The following NRP2 variants were observed in gnomAD, a reference collection of about 807,000 sequenced individuals.
NRP2 encodes neuropilin 2.
A neutral mutation model predicts 110.4 loss-of-function variants in NRP2; 52 were observed. That is an observed-to-expected ratio of 0.47 (90% CI 0.38 to 0.59). The LOEUF is 0.59. NRP2 is among the 20% of genes least tolerant of loss of function. The pLI, the probability that NRP2 is intolerant of heterozygous loss-of-function variation, is 0.00. For synonymous variants in NRP2, 508 were observed against 468.9 expected (o/e 1.08, Z -1.08); for missense variants, 1,049 against 1,203.0 (o/e 0.87, Z 1.89).
At chr2:205,716,435 C>A in intron 3 of NRP2, 61 bp downstream of exon 3, 1 of 1,577,224 alleles carries the variant, frequency 6.3e-7, no homozygotes, top group Non-Finnish European at 8.7e-7. Flanking sequence ...GGAGGGACAG[C>A]ACCCAGTGGG....
chr2:205,738,195 AATTATGC>A (rs1272418863), intron 7 of NRP2, among the ~76,000 whole-genome samples: 1 of 152,170 alleles, frequency 6.6e-6, no homozygotes, highest in Non-Finnish European at 1.5e-5. Flanking sequence ...TCAACTTTCC[AATTATGC>A]ATTCACGTGA....
chr2:205,750,779 A>C (rs1000202773), intron 11 of NRP2, among the ~76,000 whole-genome samples: 1 of 152,364 alleles, frequency 6.6e-6, no homozygotes, highest in South Asian at 2.1e-4. Flanking sequence ...TGATGGAGAC[A>C]TAAAGATATA....
chr2:205,782,088 G>T (rs1178421801), intron 15 of NRP2, among the ~76,000 whole-genome samples: 1 of 152,116 alleles, frequency 6.6e-6, no homozygotes, highest in Non-Finnish European at 1.5e-5. Context: ...GCATGGTATG[G>T]AACAGTGGAG....
chr2:205,764,948 T>G (rs1319996147), intron 13 of NRP2, among the ~76,000 whole-genome samples: 25 of 152,194 alleles, frequency 1.6e-4, no homozygotes, highest in African/African-American at 6.0e-4. Context: ...AGGTGCTCAG[T>G]AAATGGCTGG....
chr2:205,707,536 C>T (rs1159172246), intron 2 of NRP2, among the ~76,000 whole-genome samples: 1 of 152,224 alleles, frequency 6.6e-6, no homozygotes, highest in Non-Finnish European at 1.5e-5. Context: ...CTGTCCCCTA[C>T]TTGGATTTCT....
At chr2:205,750,090 A>G (rs2057616785) in intron 11 of NRP2, among the ~76,000 whole-genome samples, 1 of 152,232 alleles carries the variant, frequency 6.6e-6, no homozygotes, top group Non-Finnish European at 1.5e-5. Flanking sequence ...AGGTGAGACA[A>G]GGATGACTCC....
At position 205,763,847 on chromosome 2, in the gene NRP2, A is replaced by G. The variant is rs367890084; in HGVS notation, c.2218A>G (p.Ser740Gly). ...LQVVREASQE[S>G]KLLWVIREDQ... ...GGTGGTGCGGGAAGCCAGCCAGGAGAGCAAGTTGCTGTGGGTCATCCGTGA... is the reference window on the plus strand; with the variant it reads ...GGTGGTGCGGGAAGCCAGCCAGGAGGGCAAGTTGCTGTGGGTCATCCGTGA... Residue 740 changes from serine to glycine, a missense_variant, in exon 13 of 17, where the codon AGC becomes GGC. Transcript: ENST00000357785. This position sits in a 1 kb window ranked among gnomAD's most constrained non-coding sequence, Gnocchi z 4.0. 2 of 1,613,940 alleles carry G rather than the reference A, an allele frequency of 1.2e-6. No homozygotes were observed.
chr2:205,755,705 G>A (rs2057723023), intron 12 of NRP2, among the ~76,000 whole-genome samples: 1 of 152,148 alleles, frequency 6.6e-6, no homozygotes, highest in Admixed American at 6.5e-5. Context: ...TGGGTTCAGA[G>A]CGGCTGGCGC....
rs951384209 is a variant in NRP2, at chr2:205,743,145, G to A, written c.1292-58G>A. 1.9e-6 allele frequency: 3 copies of A among 1,601,220 alleles called. No individual in the cohort carries two copies. In the East Asian group the frequency reaches 6.7e-5, roughly 36 times the overall value. On this transcript the variant is annotated intron_variant, in intron 8 of 16. Transcript: ENST00000357785. ...TTGCAGCTCCCTTCTTATAGCGGGT[G>A]GTCCCTGGTTAGCAGGTGTCAGCCA... is the stretch of plus-strand genomic sequence containing the variant.
At chr2:205,793,573 G>A (rs2058324336) in intron 16 of NRP2, among the ~76,000 whole-genome samples, 1 of 152,164 alleles carries the variant, frequency 6.6e-6, no homozygotes, top group Non-Finnish European at 1.5e-5. Context: ...CATGTGGACA[G>A]GGTTGGTTCC....
chr2:205,688,015 A>G (rs2056216867), intron 1 of NRP2, among the ~76,000 whole-genome samples: 2 of 152,220 alleles, frequency 1.3e-5, no homozygotes, highest in Admixed American at 6.5e-5. Flanking sequence ...ACCTGAGTGT[A>G]AGACAATTCT....
intron 8 of NRP2, among the ~76,000 whole-genome samples, chr2:205,742,574 A>T (rs2057462358): frequency 6.6e-6 from 1 of 152,210 alleles, no homozygotes; most frequent in African/African-American, 2.4e-5. Context: ...CATTTGGGGT[A>T]ATGGGAACAG....
chr2:205,685,108 G>T (rs2056115132), intron 1 of NRP2, among the ~76,000 whole-genome samples: 1 of 152,202 alleles, frequency 6.6e-6, no homozygotes, highest in Non-Finnish European at 1.5e-5. Flanking sequence ...GTGTGTACGT[G>T]TGTGCGCGAC....
intron 14 of NRP2, chr2:205,765,792 C>T (rs2057908656): frequency 1.5e-6 from 1 of 675,186 alleles, no homozygotes. Flanking sequence ...TGTTCCCAAT[C>T]AGAAATAGAC....
intron 2 of NRP2, among the ~76,000 whole-genome samples, chr2:205,704,168 C>T (rs1196222342): frequency 6.6e-6 from 1 of 152,192 alleles, no homozygotes; most frequent in African/African-American, 2.4e-5. Context: ...TTAAGCTCCT[C>T]TTGTCAATTT....
intron 14 of NRP2, among the ~76,000 whole-genome samples, chr2:205,766,055 A>G (rs1025254199): frequency 3.3e-5 from 5 of 152,306 alleles, no homozygotes; most frequent in Non-Finnish European, 7.4e-5. Flanking sequence ...TTGAAGTAAG[A>G]TTTCAGATTT....
chr2:205,693,356 A>G (rs1014856072), intron 1 of NRP2, among the ~76,000 whole-genome samples: 1 of 152,136 alleles, frequency 6.6e-6, no homozygotes, highest in Non-Finnish European at 1.5e-5. Context: ...GTTTCAAACC[A>G]TGTTCCAGGA....
chr2:205,737,647 A>G (rs2057368138), intron 7 of NRP2, among the ~76,000 whole-genome samples: 1 of 152,268 alleles, frequency 6.6e-6, no homozygotes, highest in Non-Finnish European at 1.5e-5. Context: ...AGAGCAGACA[A>G]GAAAACAGTT....
At chr2:205,684,009 A>G (rs1312116983) in intron 1 of NRP2, among the ~76,000 whole-genome samples, 1 of 152,188 alleles carries the variant, frequency 6.6e-6, no homozygotes, top group African/African-American at 2.4e-5. Context: ...CTGGGAAAGT[A>G]AATCGTACGT....
Sources: allele counts gnomAD v4.1 joint callset (sites outside exome capture counted in the v4.1 genomes callset), GRCh38; gene constraint gnomAD v4.1.1; non-coding constraint Gnocchi (gnomAD v3.1); transcripts MANE v1.5; gene names NCBI Gene and HGNC (gene_info 2026-07-23, HGNC 2026-07-21).